ZCCHC14: variants seen among roughly 807,000 people sequenced by gnomAD.
The protein encoded by ZCCHC14 is zinc finger CCHC domain-containing protein 14.
Under a neutral mutation model 85.0 loss-of-function variants are expected in ZCCHC14, and 16 were observed. The observed-to-expected ratio is 0.19, with a 90% CI of 0.13 to 0.29. ZCCHC14 has a LOEUF of 0.29. Ranked by LOEUF, ZCCHC14 falls within the 10% of genes least tolerant of loss-of-function variation. The pLI is 1.00. For synonymous variants in ZCCHC14, 775 were observed against 630.7 expected, an observed-to-expected ratio of 1.23 and a Z score of -3.43; for missense variants, 1,303 against 1,443.5, an observed-to-expected ratio of 0.90 and a Z score of 1.58.
In ZCCHC14 at chr16:87,491,226, C is replaced by G. The variant is rs963217190; in HGVS notation, c.570+443G>C. On this transcript the variant is annotated intron_variant, in intron 1 of 12. Coordinates refer to ENST00000671377, the MANE Select transcript of ZCCHC14 (RefSeq NM_015144.3). This position sits in a 1 kb window ranked among gnomAD's most constrained non-coding sequence, Gnocchi z 5.9. ...CGCACCGCTCCCGCGGATCCTCGGA[C>G]CCAGGGCCCCTGCAGCCGCTCCTGC... Among the ~76,000 whole-genome samples the G allele has an allele frequency of 6.6e-6, 1 of 152,256 alleles. No individual in the cohort carries two copies. Among genetic ancestry groups the G allele is most frequent in the Non-Finnish European group, 1.5e-5 (1 of 68,044 alleles).
intron 4 of ZCCHC14, among the ~76,000 whole-genome samples, chr16:87,422,694 C>G (rs751587924): frequency 4.0e-5 from 6 of 151,704 alleles, no homozygotes; most frequent in Non-Finnish European, 7.4e-5. Context: ...CAAGATCATA[C>G]CACTGCACTC....
At chr16:87,446,083 C>G (rs1910420677) in intron 2 of ZCCHC14, among the ~76,000 whole-genome samples, 1 of 150,852 alleles carries the variant, frequency 6.6e-6, no homozygotes, top group Non-Finnish European at 1.5e-5. Flanking sequence ...AGAAGAATCA[C>G]TTAAACCCGG....
At chr16:87,465,995 G>A (rs1322342713) in intron 1 of ZCCHC14, among the ~76,000 whole-genome samples, 7 of 152,206 alleles carry the variant, frequency 4.6e-5, no homozygotes, top group African/African-American at 1.2e-4. Context: ...GGGAATCCCC[G>A]CACTGCGCAA....
At chr16:87,485,364 C>G (rs1912468457) in intron 1 of ZCCHC14, among the ~76,000 whole-genome samples, 1 of 152,092 alleles carries the variant, frequency 6.6e-6, no homozygotes, top group Admixed American at 6.5e-5. Flanking sequence ...CTCTTTTTAC[C>G]TTTGACAGGA....
intron 2 of ZCCHC14, among the ~76,000 whole-genome samples, chr16:87,454,301 A>G (rs1910847191): frequency 6.6e-6 from 1 of 152,244 alleles, no homozygotes; most frequent in Admixed American, 6.5e-5. Context: ...TGAAACAAGC[A>G]GTTCAGTAAA....
chr16:87,483,951 A>G (rs891122427), intron 1 of ZCCHC14, among the ~76,000 whole-genome samples: 3 of 152,242 alleles, frequency 2.0e-5, no homozygotes, highest in Non-Finnish European at 2.9e-5. Flanking sequence ...TGTTATCTAT[A>G]GGGCCTGATT....
intron 1 of ZCCHC14, among the ~76,000 whole-genome samples, chr16:87,475,367 C>T (rs958107975): frequency 1.3e-5 from 2 of 152,076 alleles, no homozygotes; most frequent in African/African-American, 4.8e-5. Context: ...GCCTGGCCAA[C>T]ATGGCAAAAC....
chr16:87,486,430 C>T (rs1360017467), intron 1 of ZCCHC14, among the ~76,000 whole-genome samples: 2 of 152,176 alleles, frequency 1.3e-5, no homozygotes, highest in African/African-American at 4.8e-5. Flanking sequence ...GGTTTACAGC[C>T]GAGGAGCAAC....
chr16:87,437,418 C>T (rs956442661), intron 2 of ZCCHC14, among the ~76,000 whole-genome samples: 4 of 149,076 alleles, frequency 2.7e-5, no homozygotes, highest in Admixed American at 2.0e-4. Context: ...AGAGGGACCA[C>T]AAAGACAGGA....
At chr16:87,419,946 AT>A in intron 5 of ZCCHC14, 69 bp from the exon 6 acceptor site, 1 of 1,390,906 alleles carries the variant, frequency 7.2e-7, no homozygotes, top group Non-Finnish European at 9.8e-7. Context: ...AAAGAAAAAA[AT>A]TTAACTTTTA....
At chr16:87,433,064 C>T in intron 3 of ZCCHC14, 64 bp downstream of exon 3, 1 of 1,530,334 alleles carries the variant, frequency 6.5e-7, no homozygotes, top group East Asian at 2.3e-5. Context: ...GGAAAAGCAT[C>T]TCCAGGGTAA....
intron 1 of ZCCHC14, among the ~76,000 whole-genome samples, chr16:87,468,211 G>A (rs1374761195): frequency 2.0e-5 from 3 of 152,084 alleles, no homozygotes; most frequent in East Asian, 1.9e-4. Flanking sequence ...AAGGGTAGAC[G>A]TACAGATGGT....
At chr16:87,438,244 G>A (rs993199521) in intron 2 of ZCCHC14, among the ~76,000 whole-genome samples, 12 of 152,286 alleles carry the variant, frequency 7.9e-5, no homozygotes, top group African/African-American at 2.7e-4. Context: ...GCTGGACGGC[G>A]TGCACGGGGG....
chr16:87,477,324 G>T (rs1273097320), intron 1 of ZCCHC14, among the ~76,000 whole-genome samples: 1 of 152,150 alleles, frequency 6.6e-6, no homozygotes, highest in Non-Finnish European at 1.5e-5. Context: ...GAATAAAAAC[G>T]AGCCGCTGGG....
intron 2 of ZCCHC14, among the ~76,000 whole-genome samples, chr16:87,453,980 A>AT (rs1254888715): frequency 6.6e-6 from 1 of 152,262 alleles, no homozygotes; most frequent in Non-Finnish European, 1.5e-5. Flanking sequence ...AAAAAGAACC[A>AT]TACACAAATT....
intron 1 of ZCCHC14, chr16:87,467,429 T>A: frequency 6.2e-7 from 1 of 1,603,390 alleles, no homozygotes; most frequent in Non-Finnish European, 8.5e-7. Flanking sequence ...CAAATATGAT[T>A]GGTAATAAAA....
In ZCCHC14 at chr16:87,411,997, C is replaced by G. The variant is rs753696956; in HGVS notation, c.2724G>C (p.Gln908His). 5 of 1,609,642 alleles carry G rather than the reference C, an allele frequency of 3.1e-6. No homozygotes were observed. The highest frequency in any genetic ancestry group is 4.2e-6 in the Non-Finnish European group (5 of 1,179,752). ...PNHHHHHHHQ[Q>H]PPAPPQPAPP... Reference sequence around the variant, plus strand: ...GGGCGGGCTGCGGGGGTGCCGGGGGCTGCTGATGGTGGTGGTGGTGGTGGT... The same window carrying G: ...GGGCGGGCTGCGGGGGTGCCGGGGGGTGCTGATGGTGGTGGTGGTGGTGGT... The change falls in exon 12 of 13, where the codon CAG (glutamine) becomes CAC (histidine). Residue 908 changes from glutamine to histidine, a missense_variant. Transcript: ENST00000671377.
chr16:87,492,256 G>A lies in ZCCHC14; in HGVS notation c.-18C>T, dbSNP rs1301899199. On this transcript the variant is annotated 5_prime_UTR_variant, in exon 1 of 13. Coordinates refer to ENST00000671377, the MANE Select transcript of ZCCHC14 (RefSeq NM_015144.3). This position sits in a 1 kb window ranked among gnomAD's most constrained non-coding sequence, Gnocchi z 6.7. ...TCCACCATGCTGCCGCCCGCGCCGC[G>A]CCGCGACCCGGGGCCGGGGACCGCG... 2 of 979,226 alleles carry A rather than the reference G, an allele frequency of 2.0e-6. No homozygotes were observed. The highest frequency in any genetic ancestry group is 2.4e-6 in the Non-Finnish European group (2 of 827,866). 60.7% of individuals were successfully genotyped at this position (979,226 alleles called of 1,614,324 possible).
chr16:87,425,247 T>A (rs1003717418), intron 3 of ZCCHC14, among the ~76,000 whole-genome samples: 1 of 152,156 alleles, frequency 6.6e-6, no homozygotes, highest in Non-Finnish European at 1.5e-5. Context: ...CTGCAAGGCG[T>A]GCACCTTGCC....
Sources: allele counts gnomAD v4.1 joint callset (sites outside exome capture counted in the v4.1 genomes callset), GRCh38; gene constraint gnomAD v4.1.1; non-coding constraint Gnocchi (gnomAD v3.1); transcripts MANE v1.5; gene names NCBI Gene and HGNC (gene_info 2026-07-23, HGNC 2026-07-21).